Variants in KIF24 observed in about 807,000 individuals in gnomAD.
KIF24 encodes the protein kinesin-like protein KIF24.
KIF24 carries 81 observed loss-of-function variants against 118.9 expected under a neutral mutation model. The ratio of observed to expected loss-of-function variants is 0.68; its 90% CI spans 0.57 to 0.82. The LOEUF (loss-of-function observed/expected upper bound fraction) is 0.82, where lower values mean the gene tolerates loss of function less well. Ranked by LOEUF, KIF24 falls within the 40% of genes least tolerant of loss-of-function variation. The pLI is 0.00. For missense variants in KIF24, 1,560 were observed against 1,661.6 expected, an observed-to-expected ratio of 0.94 and a Z score of 1.06; for synonymous variants, 599 against 610.0, an observed-to-expected ratio of 0.98 and a Z score of 0.27.
intron 4 of KIF24, among the ~76,000 whole-genome samples, chr9:34,291,305 C>T (rs1836245745): frequency 6.6e-6 from 1 of 152,002 alleles, no homozygotes; most frequent in Non-Finnish European, 1.5e-5. Context: ...ACAGAGGCCA[C>T]AGTAGTAAAG....
At chr9:34,319,046 C>A in intron 1 of KIF24, 1 of 1,275,278 alleles carries the variant, frequency 7.8e-7, no homozygotes, top group Non-Finnish European at 1.1e-6. Flanking sequence ...TGAGAAATTC[C>A]ACCACAAGAT....
At chr9:34,295,216 GAC>G in intron 4 of KIF24, among the ~76,000 whole-genome samples, 1 of 151,932 alleles carries the variant, frequency 6.6e-6, no homozygotes, top group Non-Finnish European at 1.5e-5. Context: ...CAGACAGACA[GAC>G]AGACAGACAG....
At chr9:34,325,232 C>T (rs1021856376) in intron 1 of KIF24, among the ~76,000 whole-genome samples, 4 of 151,342 alleles carry the variant, frequency 2.6e-5, no homozygotes, top group African/African-American at 7.3e-5. Flanking sequence ...GTGGTCCCAG[C>T]TACTTGGGAG....
chr9:34,267,237 T>A (rs1330320665), intron 8 of KIF24, among the ~76,000 whole-genome samples: 1 of 152,092 alleles, frequency 6.6e-6, no homozygotes, highest in Non-Finnish European at 1.5e-5. Flanking sequence ...CTGAATGGCA[T>A]GTCCTTAACA....
chr9:34,261,749 C>T (rs537384302), intron 9 of KIF24, among the ~76,000 whole-genome samples: 136 of 152,274 alleles, frequency 8.9e-4, no homozygotes, highest in African/African-American at 3.1e-3. Context: ...GCTTTTTTCA[C>T]ATCACAATAG....
chr9:34,271,113 G>A (rs1475634075), intron 7 of KIF24, among the ~76,000 whole-genome samples: 1 of 151,878 alleles, frequency 6.6e-6, no homozygotes, highest in Admixed American at 6.6e-5. Flanking sequence ...AGAAACATGA[G>A]TGTCAGCTTT....
chr9:34,263,045 A>C, intron 9 of KIF24, 56 bp downstream of exon 9: 1 of 1,334,560 alleles, frequency 7.5e-7, no homozygotes, highest in Non-Finnish European at 1.1e-6. Context: ...CAAATACATG[A>C]AATAAGGAAG....
At chr9:34,297,265 A>AG (rs752913661) in intron 3 of KIF24, among the ~76,000 whole-genome samples, 151 bp from the exon 4 acceptor site, 137 of 152,248 alleles carry the variant, frequency 9.0e-4, no homozygotes, top group Non-Finnish European at 1.7e-3. Context: ...ATCACTATTA[A>AG]ATGACAGGGC....
intron 1 of KIF24, chr9:34,319,708 C>A: frequency 2.9e-6 from 2 of 697,876 alleles, no homozygotes; most frequent in Non-Finnish European, 5.2e-6. Flanking sequence ...TTCTGAGACA[C>A]ATGGGTGCTA....
chr9:34,288,661 T>C (rs1421076390), intron 5 of KIF24, among the ~76,000 whole-genome samples: 1 of 151,986 alleles, frequency 6.6e-6, no homozygotes, highest in African/African-American at 2.4e-5. Context: ...ATGACACTTG[T>C]AGAGTAAGCA....
At chr9:34,275,839 A>G (rs1441303902) in intron 6 of KIF24, among the ~76,000 whole-genome samples, 1 of 150,634 alleles carries the variant, frequency 6.6e-6, no homozygotes, top group African/African-American at 2.4e-5. Flanking sequence ...TGTCTGTCTA[A>G]AAAAAAAAAT....
chr9:34,273,306 G>A (rs1835572765), intron 6 of KIF24, among the ~76,000 whole-genome samples: 1 of 149,722 alleles, frequency 6.7e-6, no homozygotes, highest in Admixed American at 6.7e-5. Context: ...GATTACTGGT[G>A]TGATATATTT....
chr9:34,254,631 TC>T (rs1834748425), intron 12 of KIF24, 111 bp from the exon 13 acceptor site: 3 of 1,099,466 alleles, frequency 2.7e-6, no homozygotes, highest in Non-Finnish European at 4.0e-6. Flanking sequence ...AGGCCACTCT[TC>T]CAGCGGGAGA....
intron 3 of KIF24, among the ~76,000 whole-genome samples, chr9:34,301,647 G>A (rs1836709824): frequency 6.6e-6 from 1 of 151,968 alleles, no homozygotes; most frequent in Admixed American, 6.6e-5. Context: ...ACCAGCCGAG[G>A]CAACATGGAG....
rs969380593 is a variant in KIF24 at position 34,257,202 on chromosome 9, T to C, written c.2405A>G (p.Asn802Ser). The C allele has an allele frequency of 1.1e-5, 18 of 1,613,916 alleles. No homozygotes were observed. The Admixed American group carries it at 2.2e-4, about 19-fold the overall frequency. The change falls in exon 11 of 13, where the codon AAT becomes AGT. Residue 802 changes from asparagine (N) to serine (S), a missense_variant. This residue lies in a region of KIF24 where 964 missense variants were observed against 988.0 expected (regional missense o/e 0.98). Coordinates refer to ENST00000402558, the MANE Select transcript of KIF24 (RefSeq NM_194313.4). Reference sequence around the variant, plus strand: ...AGAGTGGAACAGAGGCGGAGTCTCATTCGTGAGCTGACCCTCTGGGGGCCT... The same window carrying C: ...AGAGTGGAACAGAGGCGGAGTCTCACTCGTGAGCTGACCCTCTGGGGGCCT... ...QYRPPEGQLT[N>S]ETPPLFHSYS...
intron 1 of KIF24, chr9:34,319,113 T>C: frequency 4.9e-6 from 7 of 1,423,784 alleles, no homozygotes; most frequent in Non-Finnish European, 7.0e-6. Context: ...GTCATGGTGA[T>C]GCACCAGACA....
In KIF24 at chr9:34,318,591, C is replaced by T. The variant is rs997308704; in HGVS notation, c.-25-7220G>A. On this transcript the variant is annotated intron_variant, in intron 1 of 12. Transcript: ENST00000402558. The surrounding 1 kb of genome is among the most constrained non-coding windows in gnomAD (Gnocchi z 4.9). ...TACCAGGCCATGGCCAAGGACCAGG[C>T]GGTGGAGAACATCCTGGTGTCGCCC... is the stretch of plus-strand genomic sequence containing the variant. 2.5e-5 allele frequency: 34 copies of T among 1,378,698 alleles called. No homozygotes were observed. The highest frequency in any genetic ancestry group is 1.1e-4 in the East Asian group (5 of 43,648). 85.4% of individuals were successfully genotyped at this position (1,378,698 alleles called of 1,614,324 possible).
chr9:34,296,395 C>T (rs1222117214), intron 4 of KIF24, among the ~76,000 whole-genome samples: 10 of 144,148 alleles, frequency 6.9e-5, no homozygotes, highest in South Asian at 2.2e-4. Context: ...GGCGTGGTGG[C>T]GGGCGCCTGT....
At chr9:34,308,612 G>A (rs1205786023) in intron 2 of KIF24, among the ~76,000 whole-genome samples, 1 of 152,062 alleles carries the variant, frequency 6.6e-6, no homozygotes, top group African/African-American at 2.4e-5. Flanking sequence ...AGGGTTTTGT[G>A]TTAAAATCTT....
Sources: allele counts gnomAD v4.1 joint callset (sites outside exome capture counted in the v4.1 genomes callset), GRCh38; gene constraint gnomAD v4.1.1; regional missense constraint gnomAD v4.1.1; non-coding constraint Gnocchi (gnomAD v3.1); transcripts MANE v1.5; gene names NCBI Gene and HGNC (gene_info 2026-07-23, HGNC 2026-07-21).